The following MAP4 variants were observed in gnomAD, a reference collection of about 807,000 sequenced individuals.
The protein encoded by MAP4 is microtubule-associated protein 4.
Under a neutral mutation model 170.2 loss-of-function variants are expected in MAP4, and 76 were observed. The observed-to-expected ratio is 0.45, with a 90% CI of 0.37 to 0.54. The LOEUF is 0.54. Ranked by LOEUF, MAP4 falls within the 20% of genes least tolerant of loss-of-function variation. MAP4 has a pLI of 0.00. For missense variants in MAP4, 2,506 were observed against 2,748.0 expected, an observed-to-expected ratio of 0.91 and a Z score of 1.97; for synonymous variants, 909 against 994.5, an observed-to-expected ratio of 0.91 and a Z score of 1.62.
chr3:48,074,242 G>A (rs1402236956), intron 1 of MAP4, among the ~76,000 whole-genome samples: 2 of 145,966 alleles, frequency 1.4e-5, no homozygotes, highest in Non-Finnish European at 3.0e-5. Flanking sequence ...CTCACTCATA[G>A]GTGGGAATTG....
chr3:47,972,941 A>T, intron 3 of MAP4: 1 of 822,134 alleles, frequency 1.2e-6, no homozygotes, highest in Non-Finnish European at 1.5e-6. Context: ...CTTGACAAAA[A>T]CTTAAAAGTC....
At chr3:47,957,921 T>A (rs1010091996) in intron 3 of MAP4, among the ~76,000 whole-genome samples, 1 of 152,166 alleles carries the variant, frequency 6.6e-6, no homozygotes, top group Non-Finnish European at 1.5e-5. Flanking sequence ...TATCTAGCAA[T>A]CACTGAATTT....
chr3:47,911,519 C>G lies in MAP4; in HGVS notation c.2902G>C (p.Glu968Gln), dbSNP rs2100035943. 1 of 1,535,918 alleles carries G rather than the reference C, an allele frequency of 6.5e-7. No individual in the cohort carries two copies. Among genetic ancestry groups the G allele is most frequent in the Non-Finnish European group, 8.7e-7 (1 of 1,146,834 alleles). Residue 968 changes from glutamate to glutamine, a missense_variant, in exon 9 of 21, where the codon GAA (glutamate) becomes CAA (glutamine). Transcript: ENST00000683076. This position sits in a 1 kb window ranked among gnomAD's most constrained non-coding sequence, Gnocchi z 4.0. ...GVVSKPTAAK[E>Q]IPNLVPTLIA... ...AAAGTGGGTACCAAATTTGGTATTT[C>G]TTTTGCTGCTGTGGGTTTTGAAACT...
chr3:47,998,933 AT>A, intron 1 of MAP4, 54 bp from the exon 2 acceptor site: 1 of 986,134 alleles, frequency 1.0e-6, no homozygotes, highest in Admixed American at 2.0e-5. Context: ...AAGGAAAAAC[AT>A]TTCTAGAAAC....
intron 16 of MAP4, among the ~76,000 whole-genome samples, chr3:47,868,149 G>A (rs990715918): frequency 6.6e-6 from 1 of 152,172 alleles, no homozygotes; most frequent in Admixed American, 6.5e-5. Context: ...GTATAGTACG[G>A]GAATGGCTTC....
chr3:48,001,568 T>C (rs6442091), intron 1 of MAP4, among the ~76,000 whole-genome samples: 112,625 of 152,044 alleles, frequency 0.74, 42,212 homozygotes, highest in African/African-American at 0.87. Flanking sequence ...GGCAGAGTCT[T>C]GCCTCACTGC....
Position 48,043,327 on chromosome 3 carries a change from C to T in MAP4, c.-19-44448G>A, listed in dbSNP as rs142421648. ...TGTTGGTCAGGCTGGTCTCGAACTC[C>T]TGGCCTCAAGTGATCTACCTGCCTC... On this transcript the variant is annotated intron_variant, in intron 1 of 18. Coordinates refer to the MAP4 transcript ENST00000360240. Among the ~76,000 whole-genome samples the T allele has an allele frequency of 4.9e-3, 749 of 152,268 alleles. 4 individuals are homozygous for T. Among genetic ancestry groups the T allele is most frequent in the African/African-American group, 0.014 (578 of 41,554 alleles).
chr3:48,023,296 CTTAGAA>C (rs1428678503), intron 1 of MAP4, among the ~76,000 whole-genome samples: 1 of 152,060 alleles, frequency 6.6e-6, no homozygotes, highest in Non-Finnish European at 1.5e-5. Flanking sequence ...GGAGACAAGG[CTTAGAA>C]TTAGAACACT....
intron 1 of MAP4, among the ~76,000 whole-genome samples, chr3:48,056,193 ATG>A: frequency 1.2e-5 from 1 of 86,562 alleles, no homozygotes; most frequent in African/African-American, 3.8e-5. Flanking sequence ...CCCGCCAGCC[ATG>A]CCGTCCGGGA....
intron 1 of MAP4, among the ~76,000 whole-genome samples, chr3:48,015,502 C>T (rs1222415940): frequency 6.6e-6 from 1 of 152,102 alleles, no homozygotes; most frequent in Non-Finnish European, 1.5e-5. Flanking sequence ...TGTGGGAGAT[C>T]ATTTATAATC....
chr3:47,943,792 C>T (rs2100058004), intron 3 of MAP4, among the ~76,000 whole-genome samples: 1 of 152,126 alleles, frequency 6.6e-6, no homozygotes, highest in African/African-American at 2.4e-5. Context: ...TCACATAGCA[C>T]ACTTGTTTTG....
intron 9 of MAP4, among the ~76,000 whole-genome samples, chr3:47,907,574 C>A (rs1327450482): frequency 6.6e-6 from 1 of 152,198 alleles, no homozygotes; most frequent in African/African-American, 2.4e-5. Flanking sequence ...CCTGACCTGA[C>A]CCAGGCAGGG....
intron 3 of MAP4, among the ~76,000 whole-genome samples, chr3:47,946,192 C>T (rs1385713775): frequency 6.6e-6 from 1 of 151,138 alleles, no homozygotes; most frequent in African/African-American, 2.4e-5. Flanking sequence ...ATCTGCCCAC[C>T]TCTGCCTCCC....
Position 48,028,295 on chromosome 3 carries a change from G to C in MAP4, c.-19-29416C>G, listed in dbSNP as rs554778269. Among the ~76,000 whole-genome samples, 24 of 152,170 alleles carry C rather than the reference G, an allele frequency of 1.6e-4. No homozygotes were observed. In the South Asian group the frequency reaches 2.1e-3, roughly 13 times the overall value. ...CAACAAAGCAAGACACCATCTCTGG[G>C]GGGGGAGGGAAATTTGCAGGAGTTT... On this transcript the variant is annotated intron_variant, in intron 1 of 18. Coordinates refer to the MAP4 transcript ENST00000360240.
At chr3:48,034,853 A>C (rs1447809036) in intron 1 of MAP4, among the ~76,000 whole-genome samples, 1 of 151,906 alleles carries the variant, frequency 6.6e-6, no homozygotes, top group Non-Finnish European at 1.5e-5. Flanking sequence ...TCTCTACAAA[A>C]TATACAAAAA....
chr3:47,896,550 C>T (rs1452175285), intron 10 of MAP4, among the ~76,000 whole-genome samples: 1 of 151,934 alleles, frequency 6.6e-6, no homozygotes, highest in Non-Finnish European at 1.5e-5. Context: ...AACAAAAAAA[C>T]AACCAAGAAA....
chr3:47,966,428 T>G (rs985994867), intron 3 of MAP4, among the ~76,000 whole-genome samples: 1 of 151,712 alleles, frequency 6.6e-6, no homozygotes, highest in Admixed American at 6.6e-5. Flanking sequence ...TTGTATTTTT[T>G]AGTAGAGACG....
At chr3:47,901,145 C>G (rs991211338) in intron 10 of MAP4, among the ~76,000 whole-genome samples, 2 of 152,198 alleles carry the variant, frequency 1.3e-5, no homozygotes. Flanking sequence ...GAAGATTTCT[C>G]TAGGTCTTGT....
chr3:47,924,206 C>T (rs1417693802), intron 4 of MAP4, among the ~76,000 whole-genome samples: 1 of 152,104 alleles, frequency 6.6e-6, no homozygotes, highest in Non-Finnish European at 1.5e-5. Flanking sequence ...TATTTTGGTT[C>T]AAGTCAAGGG....
Sources: allele counts gnomAD v4.1 joint callset (sites outside exome capture counted in the v4.1 genomes callset), GRCh38; gene constraint gnomAD v4.1.1; non-coding constraint Gnocchi (gnomAD v3.1); transcripts MANE v1.5; gene names NCBI Gene and HGNC (gene_info 2026-07-23, HGNC 2026-07-21).